SNTB2: variants seen among roughly 807,000 people sequenced by gnomAD.
The protein encoded by SNTB2 is syntrophin beta 2.
SNTB2 carries 34 observed loss-of-function variants against 46.2 expected under a neutral mutation model. The ratio of observed to expected loss-of-function variants is 0.74; its 90% CI spans 0.56 to 0.98. SNTB2 has a LOEUF of 0.98. Ranked by LOEUF, SNTB2 falls within the 50% of genes least tolerant of loss-of-function variation. The probability of loss-of-function intolerance (pLI) is 0.00; values close to 1 mark genes in which losing one functional copy is unlikely to be tolerated. For synonymous variants in SNTB2, 290 were observed against 312.6 expected (o/e 0.93, Z 0.76); for missense variants, 603 against 731.4 (o/e 0.82, Z 2.02).
intron 3 of SNTB2, among the ~76,000 whole-genome samples, chr16:69,269,062 G>A (rs1393837446): frequency 5.9e-5 from 9 of 151,804 alleles, no homozygotes; most frequent in African/African-American, 2.2e-4. Flanking sequence ...CCAGCTACTC[G>A]GGAGGCTGAG....
chr16:69,255,225 G>A (rs1348607632), intron 2 of SNTB2, among the ~76,000 whole-genome samples: 2 of 151,936 alleles, frequency 1.3e-5, no homozygotes, highest in Admixed American at 6.6e-5. Context: ...AGCCTCGCTA[G>A]TAGCTAGGAC....
chr16:69,235,680 A>T lies in SNTB2; in HGVS notation c.581-9922A>T, dbSNP rs1254442823. On this transcript the variant is annotated intron_variant, in intron 1 of 6. Transcript: ENST00000336278. ...AACAAAAAACCCTGGCACCAATATG[A>T]CAGCTTCAAACTGCTGTATCCCCAG... 2.4e-6 allele frequency: 3 copies of T among 1,248,782 alleles called. No homozygotes were observed. The Admixed American group carries it at 8.3e-5, about 35-fold the overall frequency. The allele number at this position is 1,248,782 out of a possible 1,614,324, so 77.4% of individuals were successfully genotyped here. A position where few individuals can be genotyped will look rare whatever the true frequency, so the allele number is the denominator to read the frequency against.
chr16:69,210,268 C>T (rs1031611911), intron 1 of SNTB2, among the ~76,000 whole-genome samples: 10 of 148,814 alleles, frequency 6.7e-5, no homozygotes, highest in African/African-American at 2.5e-4. Flanking sequence ...GATGGAATAT[C>T]GTTCTGTTGC....
chr16:69,264,880 A>T (rs1279752049), intron 3 of SNTB2, among the ~76,000 whole-genome samples: 1 of 152,222 alleles, frequency 6.6e-6, no homozygotes, highest in Non-Finnish European at 1.5e-5. Flanking sequence ...TCAACATCAG[A>T]TGATTCAAGA....
chr16:69,217,889 T>C (rs1328143500), intron 1 of SNTB2, among the ~76,000 whole-genome samples: 1 of 152,220 alleles, frequency 6.6e-6, no homozygotes, highest in Non-Finnish European at 1.5e-5. Context: ...AAATTTTTTT[T>C]AGGTAAAAAT....
chr16:69,205,313 C>A (rs1008032522), intron 1 of SNTB2, among the ~76,000 whole-genome samples: 2 of 141,984 alleles, frequency 1.4e-5, no homozygotes, highest in Admixed American at 1.4e-4. Context: ...CCACGCTTGG[C>A]AAATTTTTTT....
intron 1 of SNTB2, among the ~76,000 whole-genome samples, chr16:69,216,005 G>C (rs1447243380): frequency 6.6e-6 from 1 of 152,112 alleles, no homozygotes; most frequent in East Asian, 1.9e-4. Context: ...TGAGGGTGGG[G>C]AGGTCTTACC....
intron 4 of SNTB2, among the ~76,000 whole-genome samples, chr16:69,279,820 G>A (rs1405753564): frequency 3.5e-5 from 5 of 143,058 alleles, no homozygotes; most frequent in African/African-American, 5.3e-5. Flanking sequence ...GAGCCACCAC[G>A]CCTGGCTGTC....
chr16:69,306,145 GAC>G lies in SNTB2; in HGVS notation c.*5225_*5226del, dbSNP rs980077135. ...AAACAAAAACATCTGGCAGATGAGT[GAC>G]ACAAATTCATTCTCTTAAAGGATAG... is the stretch of plus-strand genomic sequence containing the variant. On this transcript the variant is annotated 3_prime_UTR_variant, in exon 7 of 7. Coordinates refer to ENST00000336278, the MANE Select transcript of SNTB2 (RefSeq NM_006750.4). 4 of 152,244 alleles carry G rather than the reference GAC, an allele frequency of 2.6e-5. No individual in the cohort carries two copies. The highest frequency in any genetic ancestry group is 9.6e-5 in the African/African-American group (4 of 41,538). The allele number at this position is 152,244 out of a possible 1,614,324, so 9.4% of individuals were successfully genotyped here.
At chr16:69,217,835 A>T (rs986968966) in intron 1 of SNTB2, among the ~76,000 whole-genome samples, 3 of 152,194 alleles carry the variant, frequency 2.0e-5, no homozygotes, top group Admixed American at 1.3e-4. Context: ...AGCATGTTGT[A>T]GGAGTCTCTC....
intron 5 of SNTB2, 36 bp from the exon 6 acceptor site, chr16:69,299,554 A>G: frequency 6.3e-7 from 1 of 1,598,488 alleles, no homozygotes; most frequent in East Asian, 2.2e-5. Flanking sequence ...TGACATAGCA[A>G]CTTTACAACT....
rs16958693 is a variant in SNTB2 at position 69,216,223 on chromosome 16, A to G, written c.580+28477A>G. Among the ~76,000 whole-genome samples, 648 of 152,288 alleles carry G rather than the reference A, an allele frequency of 4.3e-3. 4 individuals are homozygous for G. The highest frequency in any genetic ancestry group is 0.015 in the African/African-American group (624 of 41,552). ...CTGCTCTTTACCATGTACTCTGTCAATTTCTGAAATCCATGAAAATGTCAA... is the reference window on the plus strand; with the variant it reads ...CTGCTCTTTACCATGTACTCTGTCAGTTTCTGAAATCCATGAAAATGTCAA... On this transcript the variant is annotated intron_variant, in intron 1 of 6. Transcript: ENST00000336278.
intron 1 of SNTB2, among the ~76,000 whole-genome samples, chr16:69,213,503 CTTA>C (rs930088526): frequency 5.2e-5 from 7 of 133,806 alleles, no homozygotes; most frequent in Non-Finnish European, 8.1e-5. Context: ...TGTTATTCTT[CTTA>C]TTTTTTTTTT....
intron 2 of SNTB2, among the ~76,000 whole-genome samples, chr16:69,252,523 T>C (rs551412648): frequency 2.0e-5 from 3 of 152,348 alleles, no homozygotes; most frequent in Non-Finnish European, 4.4e-5. Context: ...GCCTCAGTCA[T>C]CTTCACATTG....
At chr16:69,267,945 A>G (rs1251169492) in intron 3 of SNTB2, among the ~76,000 whole-genome samples, 1 of 152,216 alleles carries the variant, frequency 6.6e-6, no homozygotes, top group Non-Finnish European at 1.5e-5. Flanking sequence ...TCAGTGTTAA[A>G]ATGCAGTGTT....
rs745693116 is a variant in SNTB2 at position 69,260,086 on chromosome 16, G to A, written c.831G>A (p.Thr277=). 17 of 1,613,158 alleles carry A rather than the reference G, an allele frequency of 1.1e-5. No homozygotes were observed. Among genetic ancestry groups the A allele is most frequent in the Admixed American group, 1.7e-5 (1 of 59,896 alleles). The change falls in exon 3 of 7, where the codon ACG becomes ACA. Residue 277 remains threonine (T), a synonymous_variant. Coordinates refer to ENST00000336278, the MANE Select transcript of SNTB2 (RefSeq NM_006750.4). ...IELHSPDSRN[T]LILRCKDTAT... is the part of the protein sequence containing the mutation. ...TACATTCTCCTGATAGCAGGAACAC[G>A]TTGATCCTACGCTGCAAAGATACAG...
chr16:69,268,220 T>TGAG (rs1964905224), intron 3 of SNTB2, among the ~76,000 whole-genome samples: 1 of 151,946 alleles, frequency 6.6e-6, no homozygotes. Context: ...TCCCAGCACT[T>TGAG]TGGGAGGCTG....
intron 1 of SNTB2, among the ~76,000 whole-genome samples, chr16:69,227,323 T>G (rs1238378890): frequency 6.6e-6 from 1 of 152,248 alleles, no homozygotes; most frequent in Non-Finnish European, 1.5e-5. Context: ...TGACAATTTT[T>G]GACCAATGTA....
intron 1 of SNTB2, among the ~76,000 whole-genome samples, chr16:69,188,168 C>G (rs1964013582): frequency 6.6e-6 from 1 of 151,958 alleles, no homozygotes; most frequent in Non-Finnish European, 1.5e-5. Flanking sequence ...CCATCTTCAC[C>G]GATGCCAGCG....
Sources: gnomAD v4.1 joint callset for allele counts (sites outside exome capture counted in the v4.1 genomes callset) on GRCh38, gnomAD v4.1.1 for gene constraint, MANE v1.5 for transcripts, NCBI Gene and HGNC (gene_info 2026-07-23, HGNC 2026-07-21) for gene names.